Variants in NCOA3 observed in about 807,000 individuals in gnomAD.
NCOA3 encodes the protein CBP-interacting protein.
Under a neutral mutation model 158.8 loss-of-function variants are expected in NCOA3, and 51 were observed. The ratio of observed to expected loss-of-function variants is 0.32; its 90% CI spans 0.26 to 0.41. The LOEUF (loss-of-function observed/expected upper bound fraction) is 0.41. Ranked by LOEUF, NCOA3 falls within the 10% of genes least tolerant of loss-of-function variation. NCOA3 has a pLI of 1.00. For synonymous variants in NCOA3, 537 were observed against 592.4 expected (o/e 0.91, Z 1.36); for missense variants, 1,510 against 1,746.6 (o/e 0.86, Z 2.41).
chr20:47,506,776 T>A (rs1005597801), intron 1 of NCOA3, among the ~76,000 whole-genome samples: 2 of 152,140 alleles, frequency 1.3e-5, no homozygotes, highest in African/African-American at 4.8e-5. Context: ...GTCTTTTTTT[T>A]TAAATTTTCT....
chr20:47,634,398 A>G (rs2086475548), intron 10 of NCOA3, among the ~76,000 whole-genome samples: 1 of 152,252 alleles, frequency 6.6e-6, no homozygotes, highest in Admixed American at 6.5e-5. Flanking sequence ...TAAATACTTT[A>G]CAGGAAAGCT....
intron 2 of NCOA3, among the ~76,000 whole-genome samples, chr20:47,584,044 T>TA (rs1170244943): frequency 9.2e-5 from 14 of 152,174 alleles, no homozygotes; most frequent in African/African-American, 2.4e-4. Flanking sequence ...ACTATGATCC[T>TA]AGCACTTTGG....
At chr20:47,561,190 G>A (rs1451101500) in intron 1 of NCOA3, among the ~76,000 whole-genome samples, 2 of 150,894 alleles carry the variant, frequency 1.3e-5, no homozygotes, top group African/African-American at 4.9e-5. Context: ...GCCCAAGCTG[G>A]TCTCGAACTC....
At chr20:47,510,535 C>A in intron 1 of NCOA3, among the ~76,000 whole-genome samples, 1 of 151,390 alleles carries the variant, frequency 6.6e-6, no homozygotes, top group East Asian at 1.9e-4. Flanking sequence ...TGCCCAGTAA[C>A]CTTCAGTTTC....
intron 1 of NCOA3, among the ~76,000 whole-genome samples, chr20:47,511,068 C>A (rs1433598721): frequency 1.3e-5 from 2 of 151,842 alleles, no homozygotes; most frequent in African/African-American, 4.8e-5. Context: ...AAGTTTGTGA[C>A]CTCCAAGTGT....
At chr20:47,506,768 CT>C (rs5841699) in intron 1 of NCOA3, among the ~76,000 whole-genome samples, 126,843 of 151,810 alleles carry the variant, frequency 0.84, 53,711 homozygotes, top group East Asian at 0.91. Flanking sequence ...ACATCTGTGT[CT>C]TTTTTTTTAA....
intron 2 of NCOA3, among the ~76,000 whole-genome samples, chr20:47,601,506 T>G (rs973167666): frequency 3.3e-5 from 5 of 152,126 alleles, no homozygotes; most frequent in Non-Finnish European, 7.4e-5. Flanking sequence ...TTTTGTAACT[T>G]AATTAAGAAA....
chr20:47,526,604 T>A (rs1380955194), intron 1 of NCOA3, among the ~76,000 whole-genome samples: 2 of 151,914 alleles, frequency 1.3e-5, no homozygotes, highest in African/African-American at 4.8e-5. Flanking sequence ...ACCAAAAAAA[T>A]ACGAAAACCA....
intron 1 of NCOA3, among the ~76,000 whole-genome samples, chr20:47,529,167 C>G (rs1165789412): frequency 6.7e-6 from 1 of 148,646 alleles, no homozygotes; most frequent in East Asian, 2.0e-4. Context: ...GAGTTTCACT[C>G]TAGTCCCCCA....
rs72646206 is a variant in NCOA3, at chr20:47,653,326, G to C, written c.4264-80G>C. 1.5e-5 allele frequency: 23 copies of C among 1,519,784 alleles called. No individual in the cohort carries two copies. In the Admixed American group the frequency reaches 4.1e-4, roughly 27 times the overall value. 94.1% of individuals were successfully genotyped at this position (1,519,784 alleles called of 1,614,324 possible). A position where few individuals can be genotyped will look rare whatever the true frequency, so the allele number is the denominator to read the frequency against. ...AGCTGCACTGTAAGCCATGAATGTGGACATGGGTATTTTTTTGTTGTGCAA... is the reference window on the plus strand; with the variant it reads ...AGCTGCACTGTAAGCCATGAATGTGCACATGGGTATTTTTTTGTTGTGCAA... On this transcript the variant is annotated intron_variant, in intron 22 of 22. Transcript: ENST00000371998.
chr20:47,544,555 A>G (rs544044496), intron 1 of NCOA3, among the ~76,000 whole-genome samples: 1 of 152,072 alleles, frequency 6.6e-6, no homozygotes, highest in East Asian at 1.9e-4. Flanking sequence ...ATCCTTATGT[A>G]ATAGACTTAG....
chr20:47,515,472 CTTTTTTTTTT>C (rs111350575), intron 1 of NCOA3, among the ~76,000 whole-genome samples: 4 of 130,048 alleles, frequency 3.1e-5, no homozygotes, highest in Non-Finnish European at 4.9e-5. Flanking sequence ...TTCTTTCTTT[CTTTTTTTTTT>C]TTTTTTTTCT....
At chr20:47,623,626 A>G (rs974906970) in intron 3 of NCOA3, among the ~76,000 whole-genome samples, 1 of 152,032 alleles carries the variant, frequency 6.6e-6, no homozygotes, top group Admixed American at 6.5e-5. Flanking sequence ...CGTCTCAACT[A>G]AAAATGCAAA....
At chr20:47,502,077 G>A (rs2083940947) in intron 1 of NCOA3, 58 bp downstream of exon 1, 2 of 399,134 alleles carry the variant, frequency 5.0e-6, no homozygotes, top group Admixed American at 4.4e-5. Context: ...GCGAGGCGGA[G>A]GGAAGAGGGG....
At chr20:47,531,487 A>G (rs979957805) in intron 1 of NCOA3, among the ~76,000 whole-genome samples, 2 of 152,236 alleles carry the variant, frequency 1.3e-5, no homozygotes, top group South Asian at 2.1e-4. Context: ...GTGTTTTTAC[A>G]CTTGCACATC....
chr20:47,625,349 G>A (rs2086304997), intron 4 of NCOA3, 32 bp from the exon 5 acceptor site: 1 of 1,430,220 alleles, frequency 7.0e-7, no homozygotes, highest in African/African-American at 1.4e-5. Context: ...CTGATAGTGT[G>A]TTATTCGTTA....
intron 2 of NCOA3, among the ~76,000 whole-genome samples, chr20:47,610,199 A>T (rs947220487): frequency 4.6e-5 from 7 of 152,188 alleles, no homozygotes; most frequent in Admixed American, 3.9e-4. Context: ...TATCAGACAC[A>T]TAACTTCTAG....
intron 1 of NCOA3, among the ~76,000 whole-genome samples, chr20:47,522,212 C>A (rs1216633001): frequency 1.4e-5 from 2 of 148,088 alleles, no homozygotes; most frequent in Non-Finnish European, 3.0e-5. Flanking sequence ...ACGCCATTCT[C>A]CTGCCTCAGC....
At chr20:47,601,001 C>G (rs2085852793) in intron 2 of NCOA3, among the ~76,000 whole-genome samples, 1 of 152,108 alleles carries the variant, frequency 6.6e-6, no homozygotes, top group Non-Finnish European at 1.5e-5. Context: ...ATGTCTTAGT[C>G]TGCTTTCTGG....
Sources: allele counts gnomAD v4.1 joint callset (sites outside exome capture counted in the v4.1 genomes callset), GRCh38; gene constraint gnomAD v4.1.1; transcripts MANE v1.5; gene names NCBI Gene and HGNC (gene_info 2026-07-23, HGNC 2026-07-21).